Variants in FGGY observed in about 807,000 individuals in gnomAD.
FGGY encodes FGGY carbohydrate kinase domain containing.
A neutral mutation model predicts 71.3 loss-of-function variants in FGGY; 72 were observed. That is an observed-to-expected ratio of 1.01 (90% confidence interval 0.84 to 1.23). The LOEUF (loss-of-function observed/expected upper bound fraction) is 1.23. FGGY is among the 50% of genes most tolerant of loss of function. FGGY has a pLI of 0.00. For synonymous variants in FGGY, 251 were observed against 250.3 expected (o/e 1.00, Z -0.02); for missense variants, 668 against 682.3 (o/e 0.98, Z 0.23).
intron 4 of FGGY, among the ~76,000 whole-genome samples, chr1:59,368,965 A>G (rs2057054699): frequency 6.6e-6 from 1 of 152,162 alleles, no homozygotes; most frequent in African/African-American, 2.4e-5. Flanking sequence ...GCTCCGGTCT[A>G]CAGCTCCCAG....
At chr1:59,464,058 A>T (rs1572475099) in intron 6 of FGGY, among the ~76,000 whole-genome samples, 1 of 152,246 alleles carries the variant, frequency 6.6e-6, no homozygotes, top group African/African-American at 2.4e-5. Flanking sequence ...TCAACAGAAT[A>T]TATGTTCTTC....
intron 14 of FGGY, among the ~76,000 whole-genome samples, chr1:59,677,023 A>G (rs2153983599): frequency 6.6e-6 from 1 of 152,324 alleles, no homozygotes; most frequent in East Asian, 1.9e-4. Flanking sequence ...AGAGCCTTTG[A>G]AAGTTCCAGT....
chr1:59,326,530 C>A (rs1329713677), intron 2 of FGGY, among the ~76,000 whole-genome samples: 1 of 152,076 alleles, frequency 6.6e-6, no homozygotes, highest in African/African-American at 2.4e-5. Flanking sequence ...AAACTGAGGG[C>A]CAGAGAGTTA....
chr1:59,533,818 A>G (rs1464753163), intron 7 of FGGY, among the ~76,000 whole-genome samples: 4 of 152,234 alleles, frequency 2.6e-5, no homozygotes, highest in Non-Finnish European at 4.4e-5. Flanking sequence ...ATCCACACCA[A>G]AATCCCATCT....
At chr1:59,465,296 C>G (rs1458766568) in intron 6 of FGGY, among the ~76,000 whole-genome samples, 1 of 152,024 alleles carries the variant, frequency 6.6e-6, no homozygotes, top group African/African-American at 2.4e-5. Flanking sequence ...AAAAGACTGA[C>G]AAAATTTAAC....
At chr1:59,513,336 T>C (rs12077405) in intron 7 of FGGY, among the ~76,000 whole-genome samples, 1,688 of 152,338 alleles carry the variant, frequency 0.011, 28 homozygotes, top group African/African-American at 0.039. Flanking sequence ...AGGCACTGCT[T>C]TGTGGAGCTG....
chr1:59,396,834 T>C (rs192470597), intron 5 of FGGY, among the ~76,000 whole-genome samples: 2 of 152,344 alleles, frequency 1.3e-5, no homozygotes, highest in East Asian at 3.9e-4. Flanking sequence ...GTTGTATCTA[T>C]ACTGAAGGAA....
intron 7 of FGGY, among the ~76,000 whole-genome samples, chr1:59,529,306 T>C (rs115281224): frequency 2.0e-4 from 30 of 152,282 alleles, no homozygotes; most frequent in African/African-American, 7.2e-4. Flanking sequence ...ACCTTCCTGA[T>C]AGAAATATGC....
At chr1:59,716,517 G>A (rs1434732657) in intron 14 of FGGY, among the ~76,000 whole-genome samples, 1 of 152,130 alleles carries the variant, frequency 6.6e-6, no homozygotes. Flanking sequence ...CAGAGGAAAC[G>A]TTGCTAGGAA....
chr1:59,526,348 T>TA (rs1407431296), intron 7 of FGGY, among the ~76,000 whole-genome samples: 1 of 152,176 alleles, frequency 6.6e-6, no homozygotes, highest in Non-Finnish European at 1.5e-5. Context: ...TTTCATTGTG[T>TA]AAAAAGCAAG....
chr1:59,448,415 C>T (rs1402474443), intron 5 of FGGY, among the ~76,000 whole-genome samples: 1 of 152,052 alleles, frequency 6.6e-6, no homozygotes, highest in Non-Finnish European at 1.5e-5. Flanking sequence ...TAGGCAAAAC[C>T]AGGAGAGCAT....
At chr1:59,629,757 G>T (rs1276061794) in intron 10 of FGGY, among the ~76,000 whole-genome samples, 1 of 152,170 alleles carries the variant, frequency 6.6e-6, no homozygotes, top group Non-Finnish European at 1.5e-5. Flanking sequence ...CCAAATCTCA[G>T]CTCCAACATG....
intron 14 of FGGY, among the ~76,000 whole-genome samples, chr1:59,721,858 CA>C (rs933498158): frequency 6.6e-6 from 1 of 152,108 alleles, no homozygotes; most frequent in African/African-American, 2.4e-5. Context: ...CAAGATTAAC[CA>C]ACTTGTATCA....
At chr1:59,583,648 G>A (rs2153752146) in intron 8 of FGGY, among the ~76,000 whole-genome samples, 1 of 142,268 alleles carries the variant, frequency 7.0e-6, no homozygotes, top group African/African-American at 2.8e-5. Context: ...CAATGGGAGA[G>A]CACCTTTGCC....
chr1:59,535,542 C>A (rs1043472066), intron 7 of FGGY, among the ~76,000 whole-genome samples: 1 of 152,002 alleles, frequency 6.6e-6, no homozygotes, highest in Non-Finnish European at 1.5e-5. Context: ...TTTTTCAGCA[C>A]CACACCACAC....
intron 6 of FGGY, among the ~76,000 whole-genome samples, chr1:59,489,318 A>C (rs586344): frequency 0.51 from 77,615 of 151,656 alleles, 20,469 homozygotes; most frequent in African/African-American, 0.64. Context: ...AGAACTTATT[A>C]CTCGCATCTA....
intron 4 of FGGY, among the ~76,000 whole-genome samples, chr1:59,372,802 C>A (rs1428502791): frequency 6.6e-6 from 1 of 152,060 alleles, no homozygotes; most frequent in Non-Finnish European, 1.5e-5. Flanking sequence ...GAACCAAAGA[C>A]AAAAACCACA....
At chr1:59,333,768 T>C (rs1437293565) in intron 2 of FGGY, among the ~76,000 whole-genome samples, 1 of 152,228 alleles carries the variant, frequency 6.6e-6, no homozygotes, top group Non-Finnish European at 1.5e-5. Context: ...TTCAAGTCTT[T>C]GTGACTCATT....
intron 6 of FGGY, among the ~76,000 whole-genome samples, chr1:59,466,931 G>C (rs571374260): frequency 6.6e-6 from 1 of 152,166 alleles, no homozygotes; most frequent in Non-Finnish European, 1.5e-5. Flanking sequence ...AACCATTGTG[G>C]AAGATAGTGT....
Sources: allele counts gnomAD v4.1 joint callset (sites outside exome capture counted in the v4.1 genomes callset), GRCh38; gene constraint gnomAD v4.1.1; transcripts MANE v1.5; gene names NCBI Gene and HGNC (gene_info 2026-07-23, HGNC 2026-07-21).